The following XKR4 variants were observed in gnomAD, a reference collection of about 807,000 sequenced individuals.
The protein encoded by XKR4 is XK related 4.
A neutral mutation model predicts 53.9 loss-of-function variants in XKR4; 12 were observed. The observed-to-expected ratio is 0.22, with a 90% confidence interval of 0.14 to 0.36. XKR4 has a LOEUF of 0.36. Among genes scored for constraint, XKR4 ranks in the 10% least tolerant of loss-of-function variants. XKR4 has a pLI of 1.00. For synonymous variants in XKR4, 354 were observed against 362.4 expected (o/e 0.98, Z 0.26); for missense variants, 799 against 859.5 (o/e 0.93, Z 0.88).
intron 2 of XKR4, among the ~76,000 whole-genome samples, chr8:55,462,256 T>C (rs887185207): frequency 1.3e-5 from 2 of 152,200 alleles, no homozygotes; most frequent in African/African-American, 2.4e-5. Context: ...GGGAAGCCCA[T>C]CAGACTAACA....
At chr8:55,204,702 G>A (rs1165051416) in intron 1 of XKR4, among the ~76,000 whole-genome samples, 1 of 152,142 alleles carries the variant, frequency 6.6e-6, no homozygotes, top group African/African-American at 2.4e-5. Flanking sequence ...TTAAGGAAGG[G>A]AAAATTCTTG....
At chr8:55,487,570 G>A (rs1424636146) in intron 2 of XKR4, among the ~76,000 whole-genome samples, 3 of 151,686 alleles carry the variant, frequency 2.0e-5, no homozygotes, top group African/African-American at 4.9e-5. Flanking sequence ...AGGGTCAAGC[G>A]ATTCTCATGC....
intron 1 of XKR4, among the ~76,000 whole-genome samples, chr8:55,312,832 C>A (rs972117301): frequency 7.2e-5 from 11 of 152,186 alleles, no homozygotes; most frequent in Non-Finnish European, 1.5e-4. Flanking sequence ...AAGACCCTTT[C>A]TATCATCTTC....
intron 1 of XKR4, among the ~76,000 whole-genome samples, chr8:55,153,627 G>T (rs1183082472): frequency 3.9e-5 from 6 of 152,178 alleles, no homozygotes; most frequent in Non-Finnish European, 8.8e-5. Context: ...TGCCTTAAGA[G>T]TTCCAATACA....
In XKR4 at chr8:55,121,708, A is replaced by G. The variant is rs142098559; in HGVS notation, c.806+18414A>G. Among the ~76,000 whole-genome samples, 549 of 152,294 alleles carry G rather than the reference A, an allele frequency of 3.6e-3. 7 individuals carry two copies. Among genetic ancestry groups the G allele is most frequent in the Non-Finnish European group, 2.9e-3 (199 of 68,020 alleles). ...CTATTGGAACAAAACTTGTCTTTGTACCTTGGGAATTAGTGATTTTTGTGG... is the reference window on the plus strand; with the variant it reads ...CTATTGGAACAAAACTTGTCTTTGTGCCTTGGGAATTAGTGATTTTTGTGG... On this transcript the variant is annotated intron_variant, in intron 1 of 2. Transcript: ENST00000327381.
chr8:55,419,688 C>A (rs1394397622), intron 2 of XKR4, among the ~76,000 whole-genome samples: 1 of 152,174 alleles, frequency 6.6e-6, no homozygotes, highest in Non-Finnish European at 1.5e-5. Context: ...TGAATTGATT[C>A]ATTCCTCAGC....
chr8:55,376,585 C>T (rs1804154969), intron 2 of XKR4, among the ~76,000 whole-genome samples: 1 of 151,742 alleles, frequency 6.6e-6, no homozygotes, highest in South Asian at 2.1e-4. Flanking sequence ...TTGTTTTTTT[C>T]TTGTAAATTT....
intron 2 of XKR4, among the ~76,000 whole-genome samples, chr8:55,373,672 T>C (rs1255568889): frequency 6.6e-6 from 1 of 152,196 alleles, no homozygotes; most frequent in Non-Finnish European, 1.5e-5. Flanking sequence ...ATATCCTCTA[T>C]GATGTCAATG....
Position 55,395,418 on chromosome 8 carries a change from T to C in XKR4, c.1006+37541T>C, listed in dbSNP as rs566594362. ...GACCATGAAGTAGAAAAGTGAGGAA[T>C]TGATTGAGAAATCATAAGTCATGTG... On this transcript the variant is annotated intron_variant, in intron 2 of 2. Coordinates refer to ENST00000327381, the MANE Select transcript of XKR4 (RefSeq NM_052898.2). 1.6e-4 allele frequency among the ~76,000 whole-genome samples: 25 copies of C among 152,022 alleles called. No homozygotes were observed. In the East Asian group the frequency reaches 4.5e-3, roughly 27 times the overall value.
chr8:55,467,164 G>A (rs946546054), intron 2 of XKR4, among the ~76,000 whole-genome samples: 2 of 152,098 alleles, frequency 1.3e-5, no homozygotes, highest in Non-Finnish European at 2.9e-5. Context: ...AGCTCCTAGA[G>A]CTCAGTCACC....
chr8:55,481,187 G>C (rs948821393), intron 2 of XKR4, among the ~76,000 whole-genome samples: 1 of 128,708 alleles, frequency 7.8e-6, no homozygotes, highest in African/African-American at 3.9e-5. Context: ...CATGGTACTG[G>C]TACAAAACAG....
chr8:55,307,367 A>G (rs1448878482), intron 1 of XKR4, among the ~76,000 whole-genome samples: 1 of 152,134 alleles, frequency 6.6e-6, no homozygotes, highest in Non-Finnish European at 1.5e-5. Context: ...CATATACAGG[A>G]GGGGTGCAGT....
chr8:55,322,514 A>G (rs1803230650), intron 1 of XKR4, among the ~76,000 whole-genome samples: 1 of 152,362 alleles, frequency 6.6e-6, no homozygotes, highest in East Asian at 1.9e-4. Context: ...TTGTGAAACC[A>G]TAAGGCAGAA....
rs142864593 is a variant in XKR4 at position 55,264,209 on chromosome 8, A to G, written c.807-93469A>G. Among the ~76,000 whole-genome samples, 647 of 151,964 alleles carry G rather than the reference A, an allele frequency of 4.3e-3. 9 individuals are homozygous for G. Among genetic ancestry groups the G allele is most frequent in the African/African-American group, 0.014 (598 of 41,438 alleles). ...GTCATCCCAGCTCCCTCCTCACTCC[A>G]CTTTGGTCTAAAGCAGAATCCTTAA... is the stretch of plus-strand genomic sequence containing the variant. On this transcript the variant is annotated intron_variant, in intron 1 of 2. Transcript: ENST00000327381.
intron 2 of XKR4, among the ~76,000 whole-genome samples, chr8:55,471,582 C>A (rs1275487487): frequency 6.6e-6 from 1 of 152,126 alleles, no homozygotes; most frequent in Non-Finnish European, 1.5e-5. Flanking sequence ...GAAATATAGA[C>A]AATTTGGAGG....
chr8:55,289,977 T>C (rs1818995680), intron 1 of XKR4, among the ~76,000 whole-genome samples: 2 of 152,074 alleles, frequency 1.3e-5, no homozygotes, highest in Admixed American at 1.3e-4. Flanking sequence ...CTGGTTAAAT[T>C]TTTTGCATCC....
chr8:55,129,991 G>T (rs896964942), intron 1 of XKR4, among the ~76,000 whole-genome samples: 1 of 152,134 alleles, frequency 6.6e-6, no homozygotes, highest in African/African-American at 2.4e-5. Flanking sequence ...AGGAGGCAAG[G>T]CTATCCGCGG....
At chr8:55,417,517 G>A (rs776987350) in intron 2 of XKR4, among the ~76,000 whole-genome samples, 4 of 152,234 alleles carry the variant, frequency 2.6e-5, no homozygotes, top group Admixed American at 6.5e-5. Context: ...TTTAGAGGCC[G>A]GAGGAGAAAA....
At chr8:55,522,467 A>G (rs1454905611) in intron 2 of XKR4, among the ~76,000 whole-genome samples, 2 of 152,212 alleles carry the variant, frequency 1.3e-5, no homozygotes, top group Non-Finnish European at 2.9e-5. Context: ...ATTGCCAAGG[A>G]TGTTGTACAC....
Sources: allele counts gnomAD v4.1 joint callset (sites outside exome capture counted in the v4.1 genomes callset), GRCh38; gene constraint gnomAD v4.1.1; transcripts MANE v1.5; gene names NCBI Gene and HGNC (gene_info 2026-07-23, HGNC 2026-07-21).